MIA2: variants seen among roughly 807,000 people sequenced by gnomAD.
The protein encoded by MIA2 is MIA SH3 domain ER export factor 2, also known as melanoma inhibitory activity protein 2.
In MIA2, 127 loss-of-function variants were observed where a neutral mutation model predicts 167.8. That is an observed-to-expected ratio of 0.76 (90% CI 0.66 to 0.88). MIA2 has a LOEUF of 0.88. Among genes scored for constraint, MIA2 ranks in the 40% least tolerant of loss-of-function variants. The pLI, the probability that MIA2 is intolerant of heterozygous loss-of-function variation, is 0.00. For missense variants in MIA2, 1,690 were observed against 1,624.7 expected (o/e 1.04, Z -0.69); for synonymous variants, 552 against 541.9 (o/e 1.02, Z -0.26).
intron 9 of MIA2, among the ~76,000 whole-genome samples, chr14:39,290,311 C>T (rs372216816): frequency 6.6e-6 from 1 of 152,054 alleles, no homozygotes; most frequent in Non-Finnish European, 1.5e-5. Flanking sequence ...CTCTCTGAGG[C>T]TTTCAGACAG....
chr14:39,233,960 A>G lies in MIA2; in HGVS notation c.-155A>G. On this transcript the variant is annotated 5_prime_UTR_variant, in exon 1 of 29. It adds an upstream start codon to the 5' untranslated region. Coordinates refer to ENST00000640607, the MANE Select transcript of MIA2 (RefSeq NM_001329214.4). Reference sequence around the variant, plus strand: ...TCTCAAGTTAAACCAACAAGCCGATAGAAAAAGGTAGTTATCAAGAGATTT... The same window carrying G: ...TCTCAAGTTAAACCAACAAGCCGATGGAAAAAGGTAGTTATCAAGAGATTT... 1 of 496,796 alleles carries G rather than the reference A, an allele frequency of 2.0e-6. No homozygotes were observed. The highest frequency in any genetic ancestry group is 3.6e-6 in the Non-Finnish European group (1 of 280,168). 30.8% of individuals were successfully genotyped at this position (496,796 alleles called of 1,614,324 possible).
At chr14:39,314,615 T>TTTTTG in intron 19 of MIA2, 124 bp from the exon 20 acceptor site, 1 of 429,768 alleles carries the variant, frequency 2.3e-6, no homozygotes, top group Middle Eastern at 6.4e-4. Context: ...CTGGAGTTTT[T>TTTTTG]TTTTTTTTTT....
At position 39,297,025 on chromosome 14, in the gene MIA2, C is replaced by T. The variant is rs2061520987; in HGVS notation, c.2496+1996C>T. Among the ~76,000 whole-genome samples the T allele has an allele frequency of 2.6e-5, 4 of 151,830 alleles. No individual in the cohort carries two copies. The South Asian group carries it at 8.3e-4, about 32-fold the overall frequency. Reference sequence around the variant, plus strand: ...CTCCTGACCTGAGGTGATCCACTCACCTCGGCCTCCCAAAGTGCTGAGATT... The same window carrying T: ...CTCCTGACCTGAGGTGATCCACTCATCTCGGCCTCCCAAAGTGCTGAGATT... On this transcript the variant is annotated intron_variant, in intron 13 of 28. Coordinates refer to ENST00000640607, the MANE Select transcript of MIA2 (RefSeq NM_001329214.4).
chr14:39,362,408 A>G (rs2899887), intron 23 of MIA2, among the ~76,000 whole-genome samples: 10,879 of 152,062 alleles, frequency 0.072, 483 homozygotes, highest in South Asian at 0.17. Context: ...TTCTCATTCA[A>G]CCTTGGTAGA....
chr14:39,316,328 C>G (rs897876609), intron 21 of MIA2, among the ~76,000 whole-genome samples: 1 of 152,156 alleles, frequency 6.6e-6, no homozygotes, highest in African/African-American at 2.4e-5. Context: ...GTACTTGTCA[C>G]TAGGAGTCTT....
intron 23 of MIA2, among the ~76,000 whole-genome samples, chr14:39,377,162 C>G (rs1322188495): frequency 4.6e-5 from 7 of 150,538 alleles, no homozygotes; most frequent in African/African-American, 1.5e-4. Flanking sequence ...GAATAGGTCT[C>G]ATGTTGTTAG....
At chr14:39,311,587 C>G (rs62000670) in intron 18 of MIA2, among the ~76,000 whole-genome samples, 2 of 150,204 alleles carry the variant, frequency 1.3e-5, no homozygotes, top group Admixed American at 6.6e-5. Context: ...ACGCCATTCT[C>G]CTTCCTCAGC....
At chr14:39,375,110 A>T (rs200365569) in intron 23 of MIA2, among the ~76,000 whole-genome samples, 5 of 75,994 alleles carry the variant, frequency 6.6e-5, no homozygotes, top group Non-Finnish European at 1.1e-4. Flanking sequence ...GCTGCTTGTT[A>T]GTAAGGGAGA....
intron 6 of MIA2, among the ~76,000 whole-genome samples, chr14:39,275,536 G>T (rs141534575): frequency 6.6e-5 from 10 of 152,188 alleles, no homozygotes; most frequent in African/African-American, 2.4e-4. Flanking sequence ...AGGTAATTAC[G>T]TGTTTGATCT....
At chr14:39,328,683 A>G (rs869236068) in intron 25 of MIA2, among the ~76,000 whole-genome samples, 3 of 152,040 alleles carry the variant, frequency 2.0e-5, no homozygotes, top group Non-Finnish European at 4.4e-5. Flanking sequence ...TCTCTGCATA[A>G]GGCTAGCCAT....
At chr14:39,348,176 A>G (rs1350116951) in intron 27 of MIA2, among the ~76,000 whole-genome samples, 3 of 152,188 alleles carry the variant, frequency 2.0e-5, no homozygotes, top group Non-Finnish European at 4.4e-5. Context: ...AAATATAGCT[A>G]ATAATCTAGG....
At chr14:39,283,546 CT>C (rs752556993) in intron 9 of MIA2, among the ~76,000 whole-genome samples, 3 of 151,776 alleles carry the variant, frequency 2.0e-5, no homozygotes, top group South Asian at 2.1e-4. Flanking sequence ...AAAGGGTTCC[CT>C]TTTTTTTGTA....
rs577134667 is a variant in MIA2, at chr14:39,322,708, G to A, written c.3496+1652G>A. Among the ~76,000 whole-genome samples, 15 of 152,172 alleles carry A rather than the reference G, an allele frequency of 9.9e-5. No homozygotes were observed. The South Asian group carries it at 3.1e-3, about 32-fold the overall frequency. ...ACCTTTGAAAACTCCTGTGTACCTG[G>A]AGTTTTCCTTTTTTGATCTCTCACC... On this transcript the variant is annotated intron_variant, in intron 24 of 28. Transcript: ENST00000640607.
chr14:39,269,281 A>G (rs2056691583), intron 6 of MIA2, among the ~76,000 whole-genome samples: 1 of 151,814 alleles, frequency 6.6e-6, no homozygotes, highest in Non-Finnish European at 1.5e-5. Context: ...TGCAACTGTC[A>G]GCACAGTTCC....
At chr14:39,303,584 A>G in intron 16 of MIA2, 60 bp downstream of exon 16, 1 of 1,184,244 alleles carries the variant, frequency 8.4e-7, no homozygotes, top group Admixed American at 2.1e-5. Flanking sequence ...TGGATTACTC[A>G]TGTCCCAGTA....
chr14:39,300,811 TATA>T (rs980058739), intron 14 of MIA2, among the ~76,000 whole-genome samples: 1 of 145,896 alleles, frequency 6.9e-6, no homozygotes, highest in African/African-American at 2.8e-5. Flanking sequence ...GAACTTAAAA[TATA>T]ATAAAAAATA....
chr14:39,271,074 T>C (rs2057056119), intron 6 of MIA2, among the ~76,000 whole-genome samples: 3 of 152,234 alleles, frequency 2.0e-5, no homozygotes, highest in African/African-American at 7.2e-5. Flanking sequence ...TATGCTTCCT[T>C]CTAAGAGTTT....
chr14:39,357,926 T>C (rs11560068), intron 23 of MIA2, among the ~76,000 whole-genome samples: 42,670 of 152,178 alleles, frequency 0.28, 7,180 homozygotes, highest in Non-Finnish European at 0.38. Flanking sequence ...AGATCAGCTG[T>C]TAGTCTGATG....
rs79274899 is a variant in MIA2, at chr14:39,362,278, T to A, written c.2248+13301T>A. ...GAGGAGAATTGGTGTTAATTCTTTA[T>A]AAGTTTGCTAGAATTTGGCAGTAAA... On this transcript the variant is annotated intron_variant, in intron 23 of 23. Transcript: ENST00000341502. 6.8e-4 allele frequency among the ~76,000 whole-genome samples: 103 copies of A among 152,346 alleles called. 1 individual carries two copies. In the East Asian group the frequency reaches 0.019, roughly 28 times the overall value.
Sources: allele counts gnomAD v4.1 joint callset (sites outside exome capture counted in the v4.1 genomes callset), GRCh38; gene constraint gnomAD v4.1.1; transcripts MANE v1.5; gene names NCBI Gene and HGNC (gene_info 2026-07-23, HGNC 2026-07-21).